NHS: variants seen among roughly 807,000 people sequenced by gnomAD.
NHS encodes NHS actin remodeling regulator.
Under a neutral mutation model 72.5 loss-of-function variants are expected in NHS, and 5 were observed. That is an observed-to-expected ratio of 0.07 (90% CI 0.04 to 0.14). The LOEUF (loss-of-function observed/expected upper bound fraction) is 0.14. Ranked by LOEUF, NHS falls within the 10% of genes least tolerant of loss-of-function variation. The pLI is 1.00. For synonymous variants in NHS, 464 were observed against 547.7 expected, an observed-to-expected ratio of 0.85 and a Z score of 2.13; for missense variants, 1,072 against 1,355.7, an observed-to-expected ratio of 0.79 and a Z score of 3.29.
chrX:17,388,109 C>A (rs1438298784), intron 1 of NHS, among the ~76,000 whole-genome samples: 1 of 111,695 alleles, frequency 9.0e-6, no homozygotes, highest in African/African-American at 3.3e-5. Context: ...GTTGTGGCTT[C>A]TTTTTGTTAT....
chrX:17,687,356 A>G (rs1466011639), intron 1 of NHS: 1 of 225,610 alleles, frequency 4.4e-6, no homozygotes, highest in Non-Finnish European at 8.2e-6. Context: ...CAGCCTTTCC[A>G]TTCATCTCTG....
chrX:17,469,643 C>T (rs191243404), intron 1 of NHS, among the ~76,000 whole-genome samples: 50 of 111,883 alleles, frequency 4.5e-4, no homozygotes, highest in African/African-American at 1.6e-3. Flanking sequence ...AGAATGAGTT[C>T]TATAAGTTTG....
chrX:17,397,746 ACTAT>A (rs370940503), intron 1 of NHS, among the ~76,000 whole-genome samples: 10 of 112,204 alleles, frequency 8.9e-5, no homozygotes, highest in African/African-American at 2.6e-4. Context: ...TTATGCAATA[ACTAT>A]CCATTCATGT....
chrX:17,389,176 G>A (rs1398681020), intron 1 of NHS, among the ~76,000 whole-genome samples: 1 of 112,085 alleles, frequency 8.9e-6, no homozygotes, highest in African/African-American at 3.2e-5. Context: ...TACAGATCTT[G>A]ATGAGTTTTA....
rs960275674 is a variant in NHS at position 17,376,279 on chromosome X, G to A, written c.522G>A (p.Val174=). Residue 174 remains valine (V), a synonymous_variant, in exon 1 of 9, where the codon GTG becomes GTA. Coordinates refer to ENST00000676302, the MANE Select transcript of NHS (RefSeq NM_001291867.2). ...VWALQGKLGG[V]QRVLSTLDPK... ...CGCTGCAGGGCAAGCTCGGCGGCGTGCAGCGCGTCCTCAGCACGCTTGACC... is the reference window on the plus strand; with the variant it reads ...CGCTGCAGGGCAAGCTCGGCGGCGTACAGCGCGTCCTCAGCACGCTTGACC... 3 of 1,161,908 alleles carry A rather than the reference G, an allele frequency of 2.6e-6. No individual in the cohort carries two copies. In the South Asian group the frequency reaches 5.7e-5, roughly 22 times the overall value.
rs370575375 is a variant in NHS at position 17,475,736 on chromosome X, G to A, written c.565+99414G>A. 1.5e-4 allele frequency among the ~76,000 whole-genome samples: 17 copies of A among 111,846 alleles called. No homozygotes were observed. In the East Asian group the frequency reaches 4.8e-3, roughly 32 times the overall value. ...TCACATATGTACATACTCACAGAGG[G>A]ATGCACACATTCTTTAACTCACACA... is the stretch of plus-strand genomic sequence containing the variant. On this transcript the variant is annotated intron_variant, in intron 1 of 8. Coordinates refer to ENST00000676302, the MANE Select transcript of NHS (RefSeq NM_001291867.2).
chrX:17,489,274 T>C (rs1483809409), intron 1 of NHS, among the ~76,000 whole-genome samples: 4 of 111,977 alleles, frequency 3.6e-5, no homozygotes, highest in Non-Finnish European at 7.5e-5. Flanking sequence ...GTCTTTACAA[T>C]AGAATGATTT....
chrX:17,634,645 T>C (rs1233377787), intron 1 of NHS, among the ~76,000 whole-genome samples: 2 of 106,489 alleles, frequency 1.9e-5, no homozygotes, highest in African/African-American at 6.9e-5. Flanking sequence ...GTGGTTTGAG[T>C]ATTCTTGCTA....
At chrX:17,696,307 ATTAT>A (rs1471103573) in intron 3 of NHS, among the ~76,000 whole-genome samples, 1 of 112,048 alleles carries the variant, frequency 8.9e-6, no homozygotes, top group African/African-American at 3.2e-5. Flanking sequence ...CAGAATACTG[ATTAT>A]TTAGGGAAAG....
intron 1 of NHS, among the ~76,000 whole-genome samples, chrX:17,417,091 TACACACAC>T (rs753132773): frequency 2.0e-5 from 2 of 97,996 alleles, no homozygotes; most frequent in Admixed American, 1.1e-4. Context: ...GAAAACAGAA[TACACACAC>T]ACACACACAC....
At chrX:17,607,919 C>G (rs200086362) in intron 1 of NHS, among the ~76,000 whole-genome samples, 4 of 92,269 alleles carry the variant, frequency 4.3e-5, no homozygotes, top group Admixed American at 1.2e-4. Flanking sequence ...CTTTTCTTTT[C>G]TTTTTTTTTT....
intron 1 of NHS, among the ~76,000 whole-genome samples, chrX:17,659,164 G>A (rs1405457448): frequency 1.8e-5 from 2 of 111,955 alleles, no homozygotes; most frequent in South Asian, 3.8e-4. Context: ...CACATTCCAT[G>A]GCCAGAACTC....
chrX:17,582,038 C>G (rs1428123975), intron 1 of NHS, among the ~76,000 whole-genome samples: 1 of 111,889 alleles, frequency 8.9e-6, no homozygotes, highest in Non-Finnish European at 1.9e-5. Flanking sequence ...GGCTACTGAG[C>G]TGGTCCCGTC....
At chrX:17,661,266 T>C (rs1321207082) in intron 1 of NHS, among the ~76,000 whole-genome samples, 1 of 111,840 alleles carries the variant, frequency 8.9e-6, no homozygotes, top group Non-Finnish European at 1.9e-5. Flanking sequence ...TTTTTCTTTT[T>C]ATTATACTTT....
chrX:17,614,706 C>T (rs1482472105), intron 1 of NHS, among the ~76,000 whole-genome samples: 1 of 111,231 alleles, frequency 9.0e-6, no homozygotes, highest in Non-Finnish European at 1.9e-5. Flanking sequence ...CAGGAAGTCA[C>T]AAAATGAACT....
rs561492954 is a variant in NHS, at chrX:17,703,261, G to C, written c.852+10793G>C. Reference sequence around the variant, plus strand: ...TGCAGTGAGCTGAGATCCTGCCACTGCACTCCAGCCTGGGTGATAGAGCAA... The same window carrying C: ...TGCAGTGAGCTGAGATCCTGCCACTCCACTCCAGCCTGGGTGATAGAGCAA... On this transcript the variant is annotated intron_variant, in intron 3 of 8. Transcript: ENST00000676302. Among the ~76,000 whole-genome samples, 90 of 111,771 alleles carry C rather than the reference G, an allele frequency of 8.1e-4. 2 individuals carry two copies. In the South Asian group the frequency reaches 0.032, roughly 40 times the overall value.
At chrX:17,386,292 G>T (rs1461806075) in intron 1 of NHS, among the ~76,000 whole-genome samples, 3 of 111,532 alleles carry the variant, frequency 2.7e-5, no homozygotes, top group Non-Finnish European at 5.6e-5. Context: ...CTAATGCCAA[G>T]TTTCCAGGCC....
At chrX:17,601,991 C>T (rs2065652149) in intron 1 of NHS, among the ~76,000 whole-genome samples, 2 of 112,036 alleles carry the variant, frequency 1.8e-5, no homozygotes, top group Admixed American at 9.5e-5. Context: ...AACACGTTCT[C>T]TTACAAACTT....
intron 1 of NHS, among the ~76,000 whole-genome samples, chrX:17,389,129 T>C (rs2064426642): frequency 8.9e-6 from 1 of 112,263 alleles, no homozygotes; most frequent in Non-Finnish European, 1.9e-5. Context: ...AATACTCTTT[T>C]TAAAAAATCA....
Sources: allele counts gnomAD v4.1 joint callset (sites outside exome capture counted in the v4.1 genomes callset), GRCh38; gene constraint gnomAD v4.1.1; transcripts MANE v1.5; gene names NCBI Gene and HGNC (gene_info 2026-07-23, HGNC 2026-07-21).